The following IDH2 variants were observed in gnomAD, a reference collection of about 807,000 sequenced individuals.
IDH2 encodes the protein isocitrate dehydrogenase [NADP], mitochondrial.
Under a neutral mutation model 50.5 loss-of-function variants are expected in IDH2, and 18 were observed. The observed-to-expected ratio is 0.36, with a 90% CI of 0.25 to 0.53. The LOEUF is 0.53. Ranked by LOEUF, IDH2 falls within the 20% of genes least tolerant of loss-of-function variation. IDH2 has a pLI of 0.92. For synonymous variants in IDH2, 280 were observed against 239.8 expected (o/e 1.17, Z -1.55); for missense variants, 518 against 610.7 (o/e 0.85, Z 1.60).
rs1227626398 is a variant in IDH2 at position 90,087,559 on chromosome 15, G to A, written c.695C>T (p.Ala232Val). 2 of 1,613,606 alleles carry A rather than the reference G, an allele frequency of 1.2e-6. No homozygotes were observed. Among genetic ancestry groups the A allele is most frequent in the East Asian group, 2.2e-5 (1 of 44,882 alleles). The change falls in exon 6 of 11, where the codon GCG (alanine) becomes GTG (valine). Residue 232 changes from alanine to valine, a missense_variant. Ala to Val is a moderately conservative substitution (Grantham distance 64). Around this residue, in one of 5 missense-constraint regions of IDH2, gnomAD observed 207 missense variants for 208.6 expected, o/e 0.99. Transcript: ENST00000330062. ...YNTDESISGF[A>V]HSCFQYAIQK... ...GATGGCATACTGGAAGCAGCTGTGC[G>A]CAAAACCTGAGATGGACTGCAGGGG...
At chr15:90,091,483 G>T in intron 2 of IDH2, 70 bp downstream of exon 2, 1 of 1,199,202 alleles carries the variant, frequency 8.3e-7, no homozygotes, top group Non-Finnish European at 1.2e-6. Flanking sequence ...CAGTCCAGAA[G>T]ACCCTGTGGG....
Position 90,084,143 on chromosome 15 carries a change from TA to T in IDH2, c.*122del. On this transcript the variant is annotated 3_prime_UTR_variant, in exon 11 of 11. Coordinates refer to ENST00000330062, the MANE Select transcript of IDH2 (RefSeq NM_002168.4). The surrounding 1 kb of genome is among the most constrained non-coding windows in gnomAD (Gnocchi z 5.0). ...TATGCTTTTAAAAACATCTGGCTTA[TA>T]AAAAAACATCCCCTAGAAAGGCCTC... is the stretch of plus-strand genomic sequence containing the variant. 3 of 736,824 alleles carry T rather than the reference TA, an allele frequency of 4.1e-6. No homozygotes were observed. The highest frequency in any genetic ancestry group is 7.1e-6 in the Non-Finnish European group (3 of 424,390). 45.6% of individuals were successfully genotyped at this position (736,824 alleles called of 1,614,324 possible). A position where few individuals can be genotyped will look rare whatever the true frequency, so the allele number is the denominator to read the frequency against.
At chr15:90,088,771 G>A (rs1900947244) in intron 3 of IDH2, 24 bp from the exon 4 acceptor site, 1 of 1,613,432 alleles carries the variant, frequency 6.2e-7, no homozygotes. Context: ...GATAATAGTG[G>A]TCCCACTGCA....
chr15:90,087,722 C>T (rs1320233332), intron 5 of IDH2, 147 bp from the exon 6 acceptor site: 1 of 789,204 alleles, frequency 1.3e-6, no homozygotes, highest in Non-Finnish European at 2.1e-6. Context: ...GTGCAGTGCA[C>T]ACGATGTTTC....
In IDH2 at chr15:90,085,284, C is replaced by T. The variant is rs1220606559; in HGVS notation, c.1071G>A (p.Glu357=). ...CATGCCCTGCACTCACCTTCTGGTG[C>T]TCCCGATAGTGGCGGGTGACGGTCC... ...AHGTVTRHYR[E]HQKGRPTSTN... Residue 357 remains glutamate, a synonymous_variant, in exon 8 of 11, where the codon GAG becomes GAA. Transcript: ENST00000330062. The surrounding 1 kb of genome is among the most constrained non-coding windows in gnomAD (Gnocchi z 5.5). 1.3e-6 allele frequency: 2 copies of T among 1,557,718 alleles called. No homozygotes were observed. Among genetic ancestry groups the T allele is most frequent in the South Asian group, 1.2e-5 (1 of 85,126 alleles).
chr15:90,083,704 A>G lies in IDH2; in HGVS notation c.*562T>C. On this transcript the variant is annotated 3_prime_UTR_variant, in exon 11 of 11. Transcript: ENST00000330062. The stretch of plus-strand genomic sequence containing the variant: ...AAAAAATCAATGACAACCTATCAGG[A>G]ACTGATTGACTCTCAGAATGGAGAA... The G allele has an allele frequency of 5.5e-6, 1 of 181,140 alleles. No homozygotes were observed. The highest frequency in any genetic ancestry group is 1.2e-5 in the Non-Finnish European group (1 of 84,124). 11.2% of individuals were successfully genotyped at this position (181,140 alleles called of 1,614,324 possible).
In IDH2 at chr15:90,098,190, G is replaced by A. The variant is rs1028925823; in HGVS notation, c.115+4086C>T. On this transcript the variant is annotated intron_variant, in intron 1 of 10. Transcript: ENST00000330062. The surrounding 1 kb of genome is among the most constrained non-coding windows in gnomAD (Gnocchi z 5.1). ...ATTGCACAAACACTGTCCTCTTGGC[G>A]AGAGTGCAGGATGGAATTACACCAG... Among the ~76,000 whole-genome samples the A allele has an allele frequency of 5.3e-5, 8 of 152,312 alleles. No individual in the cohort carries two copies. Among genetic ancestry groups the A allele is most frequent in the East Asian group, 1.9e-4 (1 of 5,190 alleles).
chr15:90,092,537 C>T (rs938309187), intron 1 of IDH2, among the ~76,000 whole-genome samples: 2 of 152,152 alleles, frequency 1.3e-5, no homozygotes, highest in African/African-American at 4.8e-5. Flanking sequence ...TCCCAAGTAG[C>T]TGGGACTACA....
At chr15:90,099,775 C>T (rs1901282122) in intron 1 of IDH2, among the ~76,000 whole-genome samples, 1 of 152,046 alleles carries the variant, frequency 6.6e-6, no homozygotes, top group Non-Finnish European at 1.5e-5. Flanking sequence ...GCTCTTGTAC[C>T]CATATATCAT....
rs534351431 is a variant in IDH2, at chr15:90,086,597, C to T, written c.967+515G>A. Among the ~76,000 whole-genome samples the T allele has an allele frequency of 3.6e-4, 54 of 152,034 alleles. 1 individual carries two copies. Among genetic ancestry groups the T allele is most frequent in the African/African-American group, 1.1e-3 (47 of 41,470 alleles). ...AATTTTTTTGCATTTTTAGTAGAGA[C>T]GGGGTTTCGTCATGTTGGCCACGCT... On this transcript the variant is annotated intron_variant, in intron 7 of 10. Coordinates refer to ENST00000330062, the MANE Select transcript of IDH2 (RefSeq NM_002168.4).
At chr15:90,097,660 A>T (rs1901216401) in intron 1 of IDH2, among the ~76,000 whole-genome samples, 1 of 137,992 alleles carries the variant, frequency 7.2e-6, no homozygotes, top group African/African-American at 2.5e-5. Flanking sequence ...GCTGCCAGGG[A>T]CTGGGGACGG....
chr15:90,089,290 C>T (rs999288762), intron 3 of IDH2, among the ~76,000 whole-genome samples: 5 of 152,162 alleles, frequency 3.3e-5, no homozygotes, highest in Non-Finnish European at 7.3e-5. Context: ...GGAAAAATAA[C>T]CAGCCTAAGT....
intron 1 of IDH2, among the ~76,000 whole-genome samples, chr15:90,094,138 G>C (rs1567257844): frequency 6.6e-6 from 1 of 152,158 alleles, no homozygotes; most frequent in Non-Finnish European, 1.5e-5. Flanking sequence ...ACTCAATGAG[G>C]GGCTGATCAG....
Position 90,084,206 on chromosome 15 carries a change from CAGG to C in IDH2, c.*57_*59del. ...TGTGAGGCTCACCCTCTGCCGCGCT[CAGG>C]AGGACCCGCCGGCTCAGCCCTGGCC... On this transcript the variant is annotated 3_prime_UTR_variant, in exon 11 of 11. Transcript: ENST00000330062. This position sits in a 1 kb window ranked among gnomAD's most constrained non-coding sequence, Gnocchi z 5.0. 1 of 1,446,658 alleles carries C rather than the reference CAGG, an allele frequency of 6.9e-7. No homozygotes were observed. Among genetic ancestry groups the C allele is most frequent in the Non-Finnish European group, 9.6e-7 (1 of 1,036,972 alleles). The allele number at this position is 1,446,658 out of a possible 1,614,324, so 89.6% of individuals were successfully genotyped here.
chr15:90,091,382 T>C (rs906536799), intron 2 of IDH2, among the ~76,000 whole-genome samples, 171 bp downstream of exon 2: 4 of 152,122 alleles, frequency 2.6e-5, no homozygotes, highest in Non-Finnish European at 5.9e-5. Context: ...TCTGAACAAT[T>C]AGTGGACCAG....
chr15:90,101,889 GGGGTGCTCCAGCCCCCCAC>G (rs1319569407), intron 1 of IDH2, among the ~76,000 whole-genome samples: 1 of 151,910 alleles, frequency 6.6e-6, no homozygotes, highest in Non-Finnish European at 1.5e-5. Context: ...GGGAGCGCGC[GGGGTGCTCCAGCCCCCCAC>G]GGGTGCTCGT....
intron 5 of IDH2, among the ~76,000 whole-genome samples, chr15:90,087,845 AGCACC>A (rs1337170618): frequency 7.5e-6 from 1 of 134,182 alleles, no homozygotes; most frequent in East Asian, 2.1e-4. Context: ...TTTTTTGGAA[AGCACC>A]GCCTTAGACT....
intron 1 of IDH2, among the ~76,000 whole-genome samples, chr15:90,093,530 A>G (rs3934860): frequency 0.13 from 19,555 of 152,216 alleles, 1,420 homozygotes; most frequent in Middle Eastern, 0.19. Flanking sequence ...CAGTGTACCA[A>G]TGCTGTACAA....
Position 90,087,420 on chromosome 15 carries a change from T to C in IDH2, c.815+19A>G, listed in dbSNP as rs775684770. 6 of 1,613,762 alleles carry C rather than the reference T, an allele frequency of 3.7e-6. No homozygotes were observed. In the African/African-American group the frequency reaches 8.0e-5, roughly 22 times the overall value. On this transcript the variant is annotated intron_variant, in intron 6 of 10. Coordinates refer to ENST00000330062, the MANE Select transcript of IDH2 (RefSeq NM_002168.4). Reference sequence around the variant, plus strand: ...GGGGAAGGGAAGAAAGGCCACAGAGTACATGGATGAGGCTTTACTTGTCAA... The same window carrying C: ...GGGGAAGGGAAGAAAGGCCACAGAGCACATGGATGAGGCTTTACTTGTCAA...
Sources: allele counts gnomAD v4.1 joint callset (sites outside exome capture counted in the v4.1 genomes callset), GRCh38; gene constraint gnomAD v4.1.1; regional missense constraint gnomAD v4.1.1; non-coding constraint Gnocchi (gnomAD v3.1); transcripts MANE v1.5; gene names NCBI Gene and HGNC (gene_info 2026-07-23, HGNC 2026-07-21).